KCNMA1: variants seen among roughly 807,000 people sequenced by gnomAD.
The protein encoded by KCNMA1 is Calcium-activated potassium channel subunit alpha-1.
KCNMA1 carries 29 observed loss-of-function variants against 140.0 expected under a neutral mutation model. The observed-to-expected ratio is 0.21, with a 90% CI of 0.15 to 0.28. The LOEUF (loss-of-function observed/expected upper bound fraction) is 0.28, where lower values mean the gene tolerates loss of function less well. Ranked by LOEUF, KCNMA1 falls within the 10% of genes least tolerant of loss-of-function variation. The pLI, the probability that KCNMA1 is intolerant of heterozygous loss-of-function variation, is 1.00. For synonymous variants in KCNMA1, 612 were observed against 611.9 expected, an observed-to-expected ratio of 1.00 and a Z score of 0.00; for missense variants, 880 against 1,602.2, an observed-to-expected ratio of 0.55 and a Z score of 7.70.
At chr10:77,349,961 T>A (rs539826145) in intron 2 of KCNMA1, among the ~76,000 whole-genome samples, 1 of 152,216 alleles carries the variant, frequency 6.6e-6, no homozygotes, top group African/African-American at 2.4e-5. Context: ...TGGTACGATC[T>A]CGGCTTGGCT....
chr10:77,190,364 C>T (rs766848548), intron 3 of KCNMA1, among the ~76,000 whole-genome samples: 6 of 152,084 alleles, frequency 3.9e-5, no homozygotes, highest in Non-Finnish European at 5.9e-5. Context: ...TACTATAATC[C>T]CCATTTTACA....
intron 3 of KCNMA1, among the ~76,000 whole-genome samples, chr10:77,220,573 G>A (rs1599088069): frequency 1.3e-5 from 2 of 152,050 alleles, no homozygotes; most frequent in Admixed American, 1.3e-4. Flanking sequence ...GGTCGTTTTT[G>A]TGCATACAAA....
At position 77,147,841 on chromosome 10, in the gene KCNMA1, C is replaced by G. The variant is rs1470910749; in HGVS notation, c.809-26793G>C. The G allele has an allele frequency of 3.9e-5, 6 of 152,286 alleles. No individual in the cohort carries two copies. The East Asian group carries it at 1.2e-3, about 29-fold the overall frequency. 9.4% of individuals were successfully genotyped at this position (152,286 alleles called of 1,614,324 possible). A position where few individuals can be genotyped will look rare whatever the true frequency, so the allele number is the denominator to read the frequency against. The stretch of plus-strand genomic sequence containing the variant: ...CAGGTTTGATTATTGAGACTTTTAT[C>G]TCTGTTGACTACAGGGAGGACCTGA... On this transcript the variant is annotated intron_variant, in intron 5 of 27. Transcript: ENST00000286628.
At chr10:77,507,229 A>T (rs1445616084) in intron 1 of KCNMA1, among the ~76,000 whole-genome samples, 1 of 152,188 alleles carries the variant, frequency 6.6e-6, no homozygotes, top group Non-Finnish European at 1.5e-5. Context: ...GAAAATGAGG[A>T]CTCTTGCAAC....
At chr10:77,623,712 AAAAG>A (rs1223056199) in intron 1 of KCNMA1, among the ~76,000 whole-genome samples, 11 of 152,238 alleles carry the variant, frequency 7.2e-5, no homozygotes, top group Admixed American at 1.3e-4. Context: ...CAAAAAAAAA[AAAAG>A]AAAGAAAGAA....
At chr10:77,470,856 G>T (rs2098132889) in intron 1 of KCNMA1, among the ~76,000 whole-genome samples, 1 of 152,092 alleles carries the variant, frequency 6.6e-6, no homozygotes, top group South Asian at 2.1e-4. Flanking sequence ...CTCTTACTTT[G>T]TTCCTTGAGC....
intron 2 of KCNMA1, among the ~76,000 whole-genome samples, chr10:77,383,369 C>G (rs2095492570): frequency 6.6e-6 from 1 of 150,890 alleles, no homozygotes; most frequent in African/African-American, 2.4e-5. Context: ...GTGGGCCAGA[C>G]TGCTGAAGAA....
chr10:77,043,344 T>C (rs2094845627), intron 14 of KCNMA1, among the ~76,000 whole-genome samples: 1 of 152,204 alleles, frequency 6.6e-6, no homozygotes, highest in East Asian at 1.9e-4. Flanking sequence ...GAGTCTAAAA[T>C]TGCTAATTGA....
intron 2 of KCNMA1, among the ~76,000 whole-genome samples, chr10:77,316,338 C>T (rs2080876223): frequency 6.6e-6 from 1 of 152,120 alleles, no homozygotes; most frequent in Non-Finnish European, 1.5e-5. Flanking sequence ...TGAGAGGTAA[C>T]GATGACCTTG....
intron 8 of KCNMA1, among the ~76,000 whole-genome samples, chr10:77,109,672 T>C (rs1425773519): frequency 6.6e-6 from 1 of 152,138 alleles, no homozygotes; most frequent in East Asian, 1.9e-4. Flanking sequence ...AAGACTAAGG[T>C]GCTCTCTCTC....
chr10:77,106,211 G>A (rs1218957150), intron 9 of KCNMA1, among the ~76,000 whole-genome samples: 1 of 151,870 alleles, frequency 6.6e-6, no homozygotes, highest in Non-Finnish European at 1.5e-5. Flanking sequence ...GGAACAGTGG[G>A]GACCCAAAAA....
intron 1 of KCNMA1, among the ~76,000 whole-genome samples, chr10:77,415,768 G>A (rs2096728175): frequency 6.6e-6 from 1 of 152,250 alleles, no homozygotes; most frequent in South Asian, 2.1e-4. Context: ...CATGGGTCCT[G>A]CATGGCCACA....
At chr10:77,245,392 TC>T (rs1166868326) in intron 3 of KCNMA1, among the ~76,000 whole-genome samples, 1 of 152,174 alleles carries the variant, frequency 6.6e-6, no homozygotes, top group African/African-American at 2.4e-5. Context: ...TGGGATGGGA[TC>T]TGTGCTGTCC....
At chr10:76,994,059 G>A (rs189534357) in intron 19 of KCNMA1, among the ~76,000 whole-genome samples, 187 of 152,308 alleles carry the variant, frequency 1.2e-3, no homozygotes, top group Admixed American at 3.3e-3. Flanking sequence ...CACACTCTGT[G>A]GAGCCACACG....
chr10:77,160,085 C>A (rs1023955859), intron 5 of KCNMA1, among the ~76,000 whole-genome samples: 1 of 151,752 alleles, frequency 6.6e-6, no homozygotes, highest in Non-Finnish European at 1.5e-5. Flanking sequence ...AAGAGAAGGT[C>A]CCTAACAGGG....
intron 1 of KCNMA1, among the ~76,000 whole-genome samples, chr10:77,476,284 A>G (rs552214529): frequency 5.3e-5 from 8 of 152,286 alleles, no homozygotes; most frequent in African/African-American, 1.9e-4. Context: ...TAAATCAGAA[A>G]ACAAAGATGG....
intron 18 of KCNMA1, among the ~76,000 whole-genome samples, chr10:77,007,689 G>A (rs1441659862): frequency 2.9e-5 from 2 of 68,168 alleles, no homozygotes; most frequent in African/African-American, 1.1e-4. Flanking sequence ...ATCACAACAT[G>A]GGAATATATA....
chr10:77,205,761 C>T (rs1565205366), intron 3 of KCNMA1, among the ~76,000 whole-genome samples: 3 of 152,138 alleles, frequency 2.0e-5, no homozygotes, highest in Admixed American at 6.6e-5. Context: ...TGATAACCTG[C>T]TCCTTCTAGT....
At chr10:77,345,581 T>C (rs1234984427) in intron 2 of KCNMA1, among the ~76,000 whole-genome samples, 3 of 152,274 alleles carry the variant, frequency 2.0e-5, no homozygotes, top group East Asian at 1.9e-4. Context: ...AATGCCAACA[T>C]AGAATGACAG....
Sources: allele counts gnomAD v4.1 joint callset (sites outside exome capture counted in the v4.1 genomes callset), GRCh38; gene constraint gnomAD v4.1.1; transcripts MANE v1.5; gene names NCBI Gene and HGNC (gene_info 2026-07-23, HGNC 2026-07-21).